The following ILK variants were observed in gnomAD, a reference collection of about 807,000 sequenced individuals.
ILK encodes scaffold protein ILK.
In ILK, 37 loss-of-function variants were observed where a neutral mutation model predicts 57.8. The observed-to-expected ratio is 0.64, with a 90% CI of 0.49 to 0.84. ILK has a LOEUF of 0.84. Among genes scored for constraint, ILK ranks in the 40% least tolerant of loss-of-function variants. ILK has a pLI of 0.00. For synonymous variants in ILK, 231 were observed against 202.2 expected (o/e 1.14, Z -1.21); for missense variants, 528 against 595.7 (o/e 0.89, Z 1.18).
rs533161374 is a variant in ILK at position 6,610,379 on chromosome 11, A to G, written c.1210-83A>G. On this transcript the variant is annotated intron_variant, in intron 12 of 12. Coordinates refer to ENST00000299421, the MANE Select transcript of ILK (RefSeq NM_004517.4). ...TCCTCACATATTTGTTCGGATATACAGTAATCCTGTCCCAAGGGCCAGTGG... is the reference window on the plus strand; with the variant it reads ...TCCTCACATATTTGTTCGGATATACGGTAATCCTGTCCCAAGGGCCAGTGG... 5.0e-6 allele frequency: 8 copies of G among 1,613,008 alleles called. No individual in the cohort carries two copies. In the African/African-American group the frequency reaches 8.0e-5, roughly 16 times the overall value.
intron 2 of ILK, 120 bp from the exon 3 acceptor site, chr11:6,607,925 GA>G (rs1428831175): frequency 5.8e-6 from 6 of 1,033,102 alleles, no homozygotes; most frequent in Non-Finnish European, 8.7e-6. Context: ...TGGCATGAAT[GA>G]GAATCAAAGT....
Position 6,609,556 on chromosome 11 carries a change from A to G in ILK, c.773A>G (p.Gln258Arg), listed in dbSNP as rs746561372. 1 of 1,614,098 alleles carries G rather than the reference A, an allele frequency of 6.2e-7. No individual in the cohort carries two copies. Among genetic ancestry groups the G allele is most frequent in the Non-Finnish European group, 8.5e-7 (1 of 1,179,978 alleles). ...PNVLPVLGACQSPPAPHPTLI... is the reference protein window; with the variant it reads ...PNVLPVLGACRSPPAPHPTLI... The stretch of plus-strand genomic sequence containing the variant: ...GTGCTCCCAGTGCTAGGTGCCTGCC[A>G]GTCTCCACCTGCTCCTCATCCTACT... Residue 258 changes from glutamine to arginine, a missense_variant, in exon 9 of 13, where the codon CAG becomes CGG. Physicochemically the swap from Gln to Arg is conservative, Grantham distance 43. Transcript: ENST00000299421.
chr11:6,609,139 G>A lies in ILK; in HGVS notation c.601G>A (p.Glu201Lys), dbSNP rs1057518584. The A allele has an allele frequency of 6.8e-6, 11 of 1,614,032 alleles. No homozygotes were observed. The highest frequency in any genetic ancestry group is 1.6e-4 in the Middle Eastern group (1 of 6,062). The change falls in exon 7 of 13, where the codon GAG becomes AAG. Residue 201 changes from glutamate (E) to lysine (K), a missense_variant. Coordinates refer to ENST00000299421, the MANE Select transcript of ILK (RefSeq NM_004517.4). ...KQLNFLTKLNENHSGELWKGR... is the reference protein window; with the variant it reads ...KQLNFLTKLNKNHSGELWKGR... ...GCTTAACTTCCTGACGAAGCTCAACGAGAATCACTCTGGAGAGGTGACCCC... is the reference window on the plus strand; with the variant it reads ...GCTTAACTTCCTGACGAAGCTCAACAAGAATCACTCTGGAGAGGTGACCCC...
Position 6,603,814 on chromosome 11 carries a change from C to G in ILK, c.-101C>G, listed in dbSNP as rs1244613874. ...TTCCCCGGAGAAGGATCCTGCAGCC[C>G]GAGTCCCGGTGAGTGCGAGAGGACC... On this transcript the variant is annotated 5_prime_UTR_variant, in exon 1 of 13. Coordinates refer to ENST00000299421, the MANE Select transcript of ILK (RefSeq NM_004517.4). The G allele has an allele frequency of 2.8e-6, 1 of 351,272 alleles. No individual in the cohort carries two copies. Among genetic ancestry groups the G allele is most frequent in the Non-Finnish European group, 5.1e-6 (1 of 194,758 alleles). 21.8% of individuals were successfully genotyped at this position (351,272 alleles called of 1,614,324 possible).
chr11:6,608,319 T>A lies in ILK; in HGVS notation c.256-75T>A. The A allele has an allele frequency of 6.4e-7, 1 of 1,570,180 alleles. No individual in the cohort carries two copies. The highest frequency in any genetic ancestry group is 1.1e-5 in the South Asian group (1 of 90,214). ...ATGTGTGCTCTTCCCCCTTTTCCCATGCCCTGACACCAGTATCTCATTTGG... is the reference window on the plus strand; with the variant it reads ...ATGTGTGCTCTTCCCCCTTTTCCCAAGCCCTGACACCAGTATCTCATTTGG... On this transcript the variant is annotated intron_variant, in intron 3 of 12. Transcript: ENST00000299421. This position sits in a 1 kb window ranked among gnomAD's most constrained non-coding sequence, Gnocchi z 4.9.
chr11:6,604,741 C>A (rs1854662687), intron 2 of ILK: 4 of 476,164 alleles, frequency 8.4e-6, no homozygotes, highest in South Asian at 3.3e-5. Context: ...CTGTAGAGGT[C>A]TCCAAGGATC....
At position 6,609,731 on chromosome 11, in the gene ILK, C is replaced by T. The variant is rs147558204; in HGVS notation, c.864C>T (p.Val288=). Residue 288 remains valine (V), a synonymous_variant, in exon 10 of 13, where the codon GTC becomes GTT. Transcript: ENST00000299421. ...ACTTTTGCCTCCTCTCAGATTTCGTCGTGGACCAGAGCCAGGCTGTGAAGT... is the reference window on the plus strand; with the variant it reads ...ACTTTTGCCTCCTCTCAGATTTCGTTGTGGACCAGAGCCAGGCTGTGAAGT... ...YNVLHEGTNF[V]VDQSQAVKFA... is the part of the protein sequence containing the mutation. The T allele has an allele frequency of 1.9e-4, 304 of 1,614,174 alleles. No individual in the cohort carries two copies. Among genetic ancestry groups the T allele is most frequent in the South Asian group, 2.6e-4 (24 of 91,076 alleles).
Position 6,609,209 on chromosome 11 carries a change from C to G in ILK, c.618+53C>G, listed in dbSNP as rs897137542. 6.9e-6 allele frequency: 11 copies of G among 1,599,168 alleles called. No homozygotes were observed. The Admixed American group carries it at 1.0e-4, about 15-fold the overall frequency. On this transcript the variant is annotated intron_variant, in intron 7 of 12. Transcript: ENST00000299421. The stretch of plus-strand genomic sequence containing the variant: ...TCACTAAACCCCCATAAATTACTTG[C>G]TTTGTACCTGTTTTAAGTTTTTCCT...
Position 6,610,822 on chromosome 11 carries a change from A to G in ILK, c.*211A>G. On this transcript the variant is annotated 3_prime_UTR_variant, in exon 13 of 13. Coordinates refer to ENST00000299421, the MANE Select transcript of ILK (RefSeq NM_004517.4). Reference sequence around the variant, plus strand: ...GTCACTTGCCACATGGTGTCTCCCAACATGGGAGGGATCAGCCCCGCCTGT... The same window carrying G: ...GTCACTTGCCACATGGTGTCTCCCAGCATGGGAGGGATCAGCCCCGCCTGT... 1 of 1,444,422 alleles carries G rather than the reference A, an allele frequency of 6.9e-7. No homozygotes were observed. Among genetic ancestry groups the G allele is most frequent in the Non-Finnish European group, 9.7e-7 (1 of 1,032,696 alleles). 89.5% of individuals were successfully genotyped at this position (1,444,422 alleles called of 1,614,324 possible). A position where few individuals can be genotyped will look rare whatever the true frequency, so the allele number is the denominator to read the frequency against.
At chr11:6,604,927 C>T in intron 2 of ILK, 1 of 455,928 alleles carries the variant, frequency 2.2e-6, no homozygotes, top group South Asian at 1.6e-5. Context: ...GTAATGATGT[C>T]TTGGACTAGA....
At position 6,610,669 on chromosome 11, in the gene ILK, C is replaced by G. The variant is rs1855416190; in HGVS notation, c.*58C>G. ...GTCGGGACATGGTTGGGGGAATGCA[C>G]CTCCCCAAAGCAGCAGGCCTCTGGT... On this transcript the variant is annotated 3_prime_UTR_variant, in exon 13 of 13. Coordinates refer to ENST00000299421, the MANE Select transcript of ILK (RefSeq NM_004517.4). 3 of 1,602,188 alleles carry G rather than the reference C, an allele frequency of 1.9e-6. No individual in the cohort carries two copies. The highest frequency in any genetic ancestry group is 2.2e-5 in the East Asian group (1 of 44,830).
chr11:6,609,290 G>A lies in ILK; in HGVS notation c.619-9G>A, dbSNP rs1235027162. On this transcript the variant is annotated splice_polypyrimidine_tract_variant and intron_variant, in intron 7 of 12. Transcript: ENST00000299421. ...ATTTCAAGCCTCCTAACCCCTACCT[G>A]TCCTGCAGCTATGGAAGGGCCGCTG... 4.3e-6 allele frequency: 7 copies of A among 1,613,612 alleles called. No homozygotes were observed. In the African/African-American group the frequency reaches 9.3e-5, roughly 22 times the overall value.
intron 2 of ILK, chr11:6,607,844 T>G: frequency 1.5e-5 from 9 of 595,450 alleles, no homozygotes; most frequent in Middle Eastern, 4.5e-4. Flanking sequence ...TAGAGGTTGT[T>G]GAGATATCTA....
At chr11:6,604,533 T>C (rs956510492) in intron 2 of ILK, 173 bp downstream of exon 2, 11 of 688,376 alleles carry the variant, frequency 1.6e-5, no homozygotes, top group Admixed American at 1.2e-4. Context: ...GAGCTGAATC[T>C]TGACTGCAGA....
At position 6,604,825 on chromosome 11, in the gene ILK, T is replaced by G. The variant is rs1168538402; in HGVS notation, c.89+465T>G. 4 of 458,036 alleles carry G rather than the reference T, an allele frequency of 8.7e-6. No homozygotes were observed. In the East Asian group the frequency reaches 2.8e-4, roughly 32 times the overall value. The allele number at this position is 458,036 out of a possible 1,614,324, so 28.4% of individuals were successfully genotyped here. A position where few individuals can be genotyped will look rare whatever the true frequency, so the allele number is the denominator to read the frequency against. ...AAAGCAAGGTTTTAAAGCTGTATAG[T>G]GACATAATGAGATTGTCCATTTTTC... is the stretch of plus-strand genomic sequence containing the variant. On this transcript the variant is annotated intron_variant, in intron 2 of 12. Transcript: ENST00000299421.
rs1279951909 is a variant in ILK at position 6,608,787 on chromosome 11, C to T, written c.445C>T (p.Arg149Ter). The change falls in exon 5 of 13, where the codon CGA (arginine) becomes TGA (stop). Residue 149 changes from arginine (R) to a stop codon, truncating the protein, a stop_gained. Coordinates refer to ENST00000299421, the MANE Select transcript of ILK (RefSeq NM_004517.4). LOFTEE classifies it high-confidence loss of function. This position sits in a 1 kb window ranked among gnomAD's most constrained non-coding sequence, Gnocchi z 4.9. ...KAKAPLRELL[R>*]ERAEKMGQNL... ...CAAGGCACCCCTGAGAGAGCTTCTC[C>T]GAGGTCCATCTCCCCATCCCCTAGC... 4.3e-6 allele frequency: 7 copies of T among 1,613,506 alleles called. No individual in the cohort carries two copies. Among genetic ancestry groups the T allele is most frequent in the Middle Eastern group, 1.6e-4 (1 of 6,062 alleles).
Position 6,610,782 on chromosome 11 carries a change from CG to C in ILK, c.*174del. On this transcript the variant is annotated 3_prime_UTR_variant, in exon 13 of 13. Coordinates refer to ENST00000299421, the MANE Select transcript of ILK (RefSeq NM_004517.4). ...CCTACCACTGTGGCCCCAAGAGGGG[CG>C]GGCTCAGAGCTTTGTCACTTGCCAC... The C allele has an allele frequency of 7.6e-7, 1 of 1,324,432 alleles. No homozygotes were observed. Among genetic ancestry groups the C allele is most frequent in the Non-Finnish European group, 1.1e-6 (1 of 933,800 alleles). 82.0% of individuals were successfully genotyped at this position (1,324,432 alleles called of 1,614,324 possible). A position where few individuals can be genotyped will look rare whatever the true frequency, so the allele number is the denominator to read the frequency against.
intron 7 of ILK, 37 bp from the exon 8 acceptor site, chr11:6,609,262 A>G (rs1331318184): frequency 6.2e-7 from 1 of 1,607,072 alleles, no homozygotes; most frequent in Admixed American, 1.7e-5. Context: ...AAGTGGCAGC[A>G]ACATTTCAAG....
intron 2 of ILK, chr11:6,606,903 G>A (rs1854968261): frequency 6.6e-6 from 1 of 152,226 alleles, no homozygotes; most frequent in Non-Finnish European, 1.5e-5. Context: ...GATAAACAGG[G>A]GGCGTAATGC....
Sources: allele counts gnomAD v4.1 joint callset, GRCh38; gene constraint gnomAD v4.1.1; non-coding constraint Gnocchi (gnomAD v3.1); transcripts MANE v1.5; gene names NCBI Gene and HGNC (gene_info 2026-07-23, HGNC 2026-07-21).